Variants in BDNF observed in about 807,000 individuals in gnomAD.
The protein encoded by BDNF is brain derived neurotrophic factor, also known as neurotrophic factor BDNF precursor form.
In BDNF, 1 loss-of-function variant was observed where a neutral mutation model predicts 19.5. That is an observed-to-expected ratio of 0.05 (90% CI 0.02 to 0.24). BDNF has a LOEUF of 0.24. Among genes scored for constraint, BDNF ranks in the 10% least tolerant of loss-of-function variants. The pLI is 1.00. For missense variants in BDNF, 195 were observed against 317.6 expected (o/e 0.61, Z 2.93); for synonymous variants, 100 against 121.6 (o/e 0.82, Z 1.17).
intron 1 of BDNF, among the ~76,000 whole-genome samples, chr11:27,671,170 G>A (rs890147118): frequency 6.6e-6 from 1 of 152,100 alleles, no homozygotes; most frequent in Non-Finnish European, 1.5e-5. Context: ...AGTAGGGGTA[G>A]GGGGGAGGGA....
At chr11:27,697,160 C>G (rs36137816) in intron 1 of BDNF, among the ~76,000 whole-genome samples, 47,450 of 115,532 alleles carry the variant, frequency 0.41, 8,482 homozygotes, top group Non-Finnish European at 0.51. Flanking sequence ...CACACACACA[C>G]ACACAGAGAG....
At chr11:27,704,224 A>G (rs1311872173), upstream of BDNF, among the ~76,000 whole-genome samples, 1 of 152,222 alleles carries the variant, frequency 6.6e-6, no homozygotes, top group Non-Finnish European at 1.5e-5. Context: ...AATGCTACCT[A>G]TTTCACTTTT....
At chr11:27,709,082 G>A (rs1021648409) in intron 1 of BDNF, among the ~76,000 whole-genome samples, 1 of 152,108 alleles carries the variant, frequency 6.6e-6, no homozygotes, top group South Asian at 2.1e-4. Context: ...ACCCGCCTCA[G>A]CCTCCCAAAG....
chr11:27,663,553 G>A (rs1482183992), intron 1 of BDNF, among the ~76,000 whole-genome samples: 5 of 152,144 alleles, frequency 3.3e-5, no homozygotes, highest in Admixed American at 6.5e-5. Context: ...ATTCACAGGC[G>A]TCATCTAATT....
intron 1 of BDNF, among the ~76,000 whole-genome samples, chr11:27,709,734 A>C (rs1860253469): frequency 6.6e-6 from 1 of 152,134 alleles, no homozygotes; most frequent in Non-Finnish European, 1.5e-5. Flanking sequence ...ATAATTGTTT[A>C]TTGAATAAAT....
intron 1 of BDNF, chr11:27,674,116 A>G (rs1460649420): frequency 8.7e-6 from 14 of 1,612,028 alleles, no homozygotes; most frequent in Non-Finnish European, 1.2e-5. Context: ...ACGTGGAGGT[A>G]CACAGCACAG....
intron 1 of BDNF, among the ~76,000 whole-genome samples, chr11:27,686,366 G>T (rs1273690313): frequency 6.6e-6 from 1 of 151,180 alleles, no homozygotes; most frequent in African/African-American, 2.4e-5. Flanking sequence ...CCAGTCTGTG[G>T]TCTTTTAATT....
rs1713809004 is a variant in BDNF, at chr11:27,665,654, G to A, written c.-21-7069C>T. On this transcript the variant is annotated intron_variant, in intron 1 of 1. Coordinates refer to ENST00000356660, the MANE Select transcript of BDNF (RefSeq NM_001709.5). Reference sequence around the variant, plus strand: ...CTGGCTCGGAGGGTCCCATGCCCACGGAGCCTGGCTCACTGCTAGCACAGC... The same window carrying A: ...CTGGCTCGGAGGGTCCCATGCCCACAGAGCCTGGCTCACTGCTAGCACAGC... Among the ~76,000 whole-genome samples the A allele has an allele frequency of 3.9e-5, 6 of 152,322 alleles. No homozygotes were observed. In the South Asian group the frequency reaches 1.2e-3, roughly 32 times the overall value.
chr11:27,694,402 C>G (rs1858709448), intron 1 of BDNF, among the ~76,000 whole-genome samples: 1 of 152,134 alleles, frequency 6.6e-6, no homozygotes, highest in South Asian at 2.1e-4. Flanking sequence ...CTGTCTACAT[C>G]ACTAGTGATA....
intron 1 of BDNF, chr11:27,699,286 A>C: frequency 6.5e-7 from 1 of 1,534,392 alleles, no homozygotes; most frequent in Non-Finnish European, 9.0e-7. Flanking sequence ...CTTCTTCCTT[A>C]GGGATGCCCC....
upstream of BDNF, among the ~76,000 whole-genome samples, chr11:27,704,061 G>T (rs1252016992): frequency 1.3e-5 from 2 of 152,164 alleles, no homozygotes; most frequent in Non-Finnish European, 2.9e-5. Flanking sequence ...TTGTGGGCAA[G>T]GATGATGCTG....
intron 1 of BDNF, among the ~76,000 whole-genome samples, chr11:27,719,249 T>TGGC (rs1860651738): frequency 6.6e-6 from 1 of 152,096 alleles, no homozygotes; most frequent in African/African-American, 2.4e-5. Flanking sequence ...CCCACCCGGG[T>TGGC]GGCGGCGGCG....
At chr11:27,708,820 TTCC>T (rs1860211666) in intron 1 of BDNF, among the ~76,000 whole-genome samples, 1 of 138,272 alleles carries the variant, frequency 7.2e-6, no homozygotes, top group African/African-American at 2.7e-5. Context: ...AATTTTAGAA[TTCC>T]TCTTTTTTTT....
intron 1 of BDNF, among the ~76,000 whole-genome samples, chr11:27,667,540 G>T (rs867895778): frequency 6.6e-6 from 1 of 152,038 alleles, no homozygotes; most frequent in African/African-American, 2.4e-5. Context: ...GTGCAGAGAC[G>T]CACATAGGCT....
At chr11:27,704,567 A>C (rs1860036355), upstream of BDNF, among the ~76,000 whole-genome samples, 1 of 152,198 alleles carries the variant, frequency 6.6e-6, no homozygotes, top group African/African-American at 2.4e-5. Flanking sequence ...TAAGTTGTCT[A>C]GTCTAGCATC....
At position 27,722,009 on chromosome 11, in the gene BDNF, G is replaced by T. The variant is rs28383487; in HGVS notation, c.-595C>A. The T allele has an allele frequency of 0.015, 2,280 of 152,640 alleles. 45 individuals are homozygous for T. The highest frequency in any genetic ancestry group is 0.016 in the Non-Finnish European group (1,067 of 68,458). The allele number at this position is 152,640 out of a possible 1,614,324, so 9.5% of individuals were successfully genotyped here. On this transcript the variant is annotated 5_prime_UTR_variant, in exon 1 of 2. Transcript: ENST00000314915. This position sits in a 1 kb window ranked among gnomAD's most constrained non-coding sequence, Gnocchi z 5.7. ...CTTGTCAGGCTAGGGCGGGAAGACC[G>T]CTGGGGAACTTGTTGCTTATCAGCG...
At chr11:27,716,835 G>A (rs796593435) in intron 1 of BDNF, among the ~76,000 whole-genome samples, 3 of 152,260 alleles carry the variant, frequency 2.0e-5, no homozygotes, top group African/African-American at 7.2e-5. Context: ...CAGATTGTAA[G>A]CAATATGATC....
In BDNF at chr11:27,658,949, A is replaced by C. The variant is rs1426026118; in HGVS notation, c.-21-364T>G. 4 of 1,130,628 alleles carry C rather than the reference A, an allele frequency of 3.5e-6. No individual in the cohort carries two copies. The highest frequency in any genetic ancestry group is 4.4e-6 in the Non-Finnish European group (4 of 910,128). The allele number at this position is 1,130,628 out of a possible 1,614,324, so 70.0% of individuals were successfully genotyped here. A position where few individuals can be genotyped will look rare whatever the true frequency, so the allele number is the denominator to read the frequency against. On this transcript the variant is annotated intron_variant, in intron 1 of 1. Transcript: ENST00000356660. The surrounding 1 kb of genome is among the most constrained non-coding windows in gnomAD (Gnocchi z 5.7). Reference sequence around the variant, plus strand: ...ATGCTGTCACGAGAAACACAAAATCATAAATGTTACTAAGCAACAACTGCA... The same window carrying C: ...ATGCTGTCACGAGAAACACAAAATCCTAAATGTTACTAAGCAACAACTGCA...
chr11:27,699,927 C>A (rs1289354362), intron 1 of BDNF, among the ~76,000 whole-genome samples: 1 of 152,202 alleles, frequency 6.6e-6, no homozygotes, highest in Non-Finnish European at 1.5e-5. Context: ...GCCTTCCCTC[C>A]TCTACTTCGT....
Sources: gnomAD v4.1 joint callset for allele counts (sites outside exome capture counted in the v4.1 genomes callset) on GRCh38, gnomAD v4.1.1 for gene constraint, Gnocchi (gnomAD v3.1) non-coding constraint, MANE v1.5 for transcripts, NCBI Gene and HGNC (gene_info 2026-07-23, HGNC 2026-07-21) for gene names.